The following PDE4B variants were observed in gnomAD, a reference collection of about 807,000 sequenced individuals.
PDE4B encodes 3',5'-cyclic-AMP phosphodiesterase 4B.
Under a neutral mutation model 82.2 loss-of-function variants are expected in PDE4B, and 20 were observed. The ratio of observed to expected loss-of-function variants is 0.24; its 90% confidence interval spans 0.17 to 0.35. PDE4B has a LOEUF of 0.35. Ranked by LOEUF, PDE4B falls within the 10% of genes least tolerant of loss-of-function variation. The pLI, the probability that PDE4B is intolerant of heterozygous loss-of-function variation, is 1.00. For missense variants in PDE4B, 655 were observed against 907.2 expected, an observed-to-expected ratio of 0.72 and a Z score of 3.57; for synonymous variants, 320 against 318.9, an observed-to-expected ratio of 1.00 and a Z score of -0.04.
chr1:66,343,338 A>T (rs1235282491), intron 8 of PDE4B, among the ~76,000 whole-genome samples: 3 of 152,204 alleles, frequency 2.0e-5, no homozygotes, highest in Non-Finnish European at 1.5e-5. Flanking sequence ...CTCCATCTTC[A>T]TATTCCATTG....
intron 1 of PDE4B, 143 bp downstream of exon 1, chr1:65,793,391 G>C (rs2101139902): frequency 6.5e-6 from 1 of 152,716 alleles, no homozygotes; most frequent in South Asian, 2.1e-4. Flanking sequence ...CTGGATGGTC[G>C]TCTTGACGGC....
chr1:66,106,398 T>C (rs917599698), intron 3 of PDE4B, among the ~76,000 whole-genome samples: 1 of 152,168 alleles, frequency 6.6e-6, no homozygotes, highest in African/African-American at 2.4e-5. Context: ...TCTAAATTTC[T>C]CTTTTTTAGT....
intron 7 of PDE4B, among the ~76,000 whole-genome samples, chr1:66,302,197 G>A (rs776727167): frequency 1.3e-5 from 2 of 152,170 alleles, no homozygotes; most frequent in Non-Finnish European, 2.9e-5. Context: ...CAATGGAAAA[G>A]CACAGTTCAT....
intron 3 of PDE4B, among the ~76,000 whole-genome samples, chr1:66,142,401 A>G (rs2101152160): frequency 6.6e-6 from 1 of 152,338 alleles, no homozygotes; most frequent in Middle Eastern, 3.4e-3. Flanking sequence ...GAAACCTATA[A>G]TCCTTTGCCA....
chr1:66,252,764 C>A (rs1010406562), intron 4 of PDE4B, among the ~76,000 whole-genome samples: 7 of 152,064 alleles, frequency 4.6e-5, no homozygotes, highest in Non-Finnish European at 2.9e-5. Flanking sequence ...GTGGCGAAGC[C>A]CTGTCTCTAC....
At chr1:66,333,683 G>A (rs1570712159) in intron 8 of PDE4B, among the ~76,000 whole-genome samples, 1 of 152,166 alleles carries the variant, frequency 6.6e-6, no homozygotes, top group East Asian at 1.9e-4. Context: ...CTTTCCTGGG[G>A]TAAAAGTACC....
chr1:65,878,898 T>TA (rs1184630263), intron 1 of PDE4B, among the ~76,000 whole-genome samples: 3 of 151,844 alleles, frequency 2.0e-5, no homozygotes, highest in Non-Finnish European at 2.9e-5. Flanking sequence ...TAAAGTAAAA[T>TA]AAAAAAAATT....
At chr1:66,091,748 A>G (rs1645030771) in intron 3 of PDE4B, among the ~76,000 whole-genome samples, 1 of 152,086 alleles carries the variant, frequency 6.6e-6, no homozygotes, top group Non-Finnish European at 1.5e-5. Context: ...TGAGGTTTGT[A>G]TGGCAGTATC....
rs187708525 is a variant in PDE4B, at chr1:65,838,653, A to C, written c.-71+45405A>C. Among the ~76,000 whole-genome samples, 355 of 149,936 alleles carry C rather than the reference A, an allele frequency of 2.4e-3. 1 individual carries two copies. Among genetic ancestry groups the C allele is most frequent in the Non-Finnish European group, 4.2e-3 (285 of 67,556 alleles). ...TGTATATATATACATATACATATAT[A>C]TATGTTTTTTTCCTCCCATTTCTTT... On this transcript the variant is annotated intron_variant, in intron 1 of 16. Transcript: ENST00000341517.
At chr1:66,258,470 G>A (rs1003780537) in intron 6 of PDE4B, among the ~76,000 whole-genome samples, 9 of 152,066 alleles carry the variant, frequency 5.9e-5, no homozygotes, top group Non-Finnish European at 1.3e-4. Context: ...AAATCATTTC[G>A]AATCTATGAG....
At chr1:65,831,198 G>A (rs1646077947) in intron 1 of PDE4B, among the ~76,000 whole-genome samples, 2 of 151,966 alleles carry the variant, frequency 1.3e-5, no homozygotes, top group Non-Finnish European at 2.9e-5. Flanking sequence ...GATTAGAGCA[G>A]AGGTTAATGA....
chr1:66,076,880 T>C (rs577726719), intron 3 of PDE4B, among the ~76,000 whole-genome samples: 1 of 152,238 alleles, frequency 6.6e-6, no homozygotes, highest in East Asian at 1.9e-4. Flanking sequence ...GCATGTTAAT[T>C]TGTTTAAATT....
At chr1:65,920,736 A>G (rs147791723) in intron 3 of PDE4B, among the ~76,000 whole-genome samples, 220 of 152,276 alleles carry the variant, frequency 1.4e-3, no homozygotes, top group African/African-American at 5.0e-3. Flanking sequence ...ATTAGAAACC[A>G]TGTCTCTAGT....
intron 2 of PDE4B, 68 bp downstream of exon 2, chr1:65,913,424 A>G (rs1569657125): frequency 6.7e-7 from 1 of 1,490,770 alleles, no homozygotes; most frequent in Admixed American, 1.7e-5. Flanking sequence ...AATTCTATTC[A>G]AAGGGCAGCT....
At chr1:66,337,013 CTAAA>C (rs1660574744) in intron 8 of PDE4B, among the ~76,000 whole-genome samples, 3 of 152,122 alleles carry the variant, frequency 2.0e-5, no homozygotes, top group African/African-American at 7.2e-5. Context: ...TTGTATTTAA[CTAAA>C]TAATCAATAA....
intron 8 of PDE4B, 81 bp downstream of exon 8, chr1:66,332,701 G>A: frequency 1.8e-6 from 2 of 1,121,576 alleles, no homozygotes; most frequent in Non-Finnish European, 2.6e-6. Flanking sequence ...GCAGCAGAGT[G>A]CACCAGGGAA....
intron 3 of PDE4B, among the ~76,000 whole-genome samples, chr1:65,979,946 C>A (rs1157162983): frequency 6.6e-6 from 1 of 152,104 alleles, no homozygotes; most frequent in Non-Finnish European, 1.5e-5. Flanking sequence ...AAGGGCAGGG[C>A]TGTTGTTTTA....
chr1:66,056,520 CT>C (rs1159164970), intron 3 of PDE4B, among the ~76,000 whole-genome samples: 1 of 78,834 alleles, frequency 1.3e-5, no homozygotes, highest in Non-Finnish European at 2.4e-5. Context: ...ATCTATCTAT[CT>C]ATCTATCTAT....
At chr1:66,153,027 A>C (rs1646434154) in intron 3 of PDE4B, among the ~76,000 whole-genome samples, 1 of 152,196 alleles carries the variant, frequency 6.6e-6, no homozygotes, top group Non-Finnish European at 1.5e-5. Flanking sequence ...TGTTTGATTA[A>C]ATAAGTGAGT....
Sources: allele counts gnomAD v4.1 joint callset (sites outside exome capture counted in the v4.1 genomes callset), GRCh38; gene constraint gnomAD v4.1.1; transcripts MANE v1.5; gene names NCBI Gene and HGNC (gene_info 2026-07-23, HGNC 2026-07-21).